Variants in PPWD1 observed in about 807,000 individuals in gnomAD.
PPWD1 encodes the protein peptidylprolyl isomerase domain and WD repeat containing 1, also known as peptidylprolyl isomerase domain and WD repeat-containing protein 1.
A neutral mutation model predicts 68.8 loss-of-function variants in PPWD1; 43 were observed. The observed-to-expected ratio is 0.62, with a 90% CI of 0.49 to 0.81. PPWD1 has a LOEUF of 0.81. Ranked by LOEUF, PPWD1 falls within the 30% of genes least tolerant of loss-of-function variation. PPWD1 has a pLI of 0.00. For missense variants in PPWD1, 672 were observed against 804.8 expected (o/e 0.83, Z 2.00); for synonymous variants, 232 against 258.7 (o/e 0.90, Z 0.99).
chr5:65,577,677 TAAG>T (rs1337127610), intron 6 of PPWD1, among the ~76,000 whole-genome samples: 3 of 152,252 alleles, frequency 2.0e-5, no homozygotes, highest in African/African-American at 4.8e-5. Flanking sequence ...GGAATTTTAA[TAAG>T]AATAGGTTAA....
At chr5:65,580,369 T>G (rs1267233779) in intron 7 of PPWD1, among the ~76,000 whole-genome samples, 1 of 152,206 alleles carries the variant, frequency 6.6e-6, no homozygotes, top group Non-Finnish European at 1.5e-5. Flanking sequence ...TCTTCATTTT[T>G]CATTCATTTG....
intron 1 of PPWD1, chr5:65,564,036 T>C (rs1369672262): frequency 1.2e-5 from 7 of 570,740 alleles, no homozygotes; most frequent in Non-Finnish European, 1.8e-5. Flanking sequence ...CACAGATTTG[T>C]TTTCATCCAA....
Position 65,572,285 on chromosome 5 carries a change from G to A in PPWD1, c.968G>A (p.Ser323Asn), listed in dbSNP as rs748628465. Reference sequence around the variant, plus strand: ...ATGAGAGTCTTTGATGAATCACTAAGCGTAAGTGTAATTTAAATTTAACCG... The same window carrying A: ...ATGAGAGTCTTTGATGAATCACTAAACGTAAGTGTAATTTAAATTTAACCG... ...KLMRVFDESL[S>N]MFTELQQMRQ... The change falls in exon 5 of 11, where the codon AGC becomes AAC. Residue 323 changes from serine (S) to asparagine (N), a missense_variant and splice_region_variant. Around this residue, in one of 2 missense-constraint regions of PPWD1, gnomAD observed 484 missense variants for 646.2 expected, o/e 0.75. Coordinates refer to ENST00000261308, the MANE Select transcript of PPWD1 (RefSeq NM_015342.4). 9 of 1,591,356 alleles carry A rather than the reference G, an allele frequency of 5.7e-6. No individual in the cohort carries two copies. The South Asian group carries it at 7.9e-5, about 14-fold the overall frequency.
chr5:65,576,733 C>G, intron 5 of PPWD1, 146 bp from the exon 6 acceptor site: 1 of 1,336,100 alleles, frequency 7.5e-7, no homozygotes, highest in Non-Finnish European at 9.9e-7. Context: ...TGTTTAGAAT[C>G]CCTCTTAAGA....
chr5:65,585,921 C>A, intron 9 of PPWD1, 78 bp from the exon 10 acceptor site: 2 of 1,548,234 alleles, frequency 1.3e-6, no homozygotes, highest in South Asian at 1.3e-5. Flanking sequence ...ATACAAAGCA[C>A]TCTTGGCAGA....
At chr5:65,583,347 A>G (rs1753684341) in intron 8 of PPWD1, 128 bp downstream of exon 8, 8 of 1,087,980 alleles carry the variant, frequency 7.4e-6, no homozygotes, top group Non-Finnish European at 8.8e-6. Context: ...GTTTGATAAA[A>G]AACATCTATT....
chr5:65,578,564 G>A (rs1482951372), intron 6 of PPWD1, among the ~76,000 whole-genome samples: 1 of 151,880 alleles, frequency 6.6e-6, no homozygotes, highest in Non-Finnish European at 1.5e-5. Context: ...TTTTAGTGTG[G>A]ATTTCCCTGG....
rs547975624 is a variant in PPWD1, at chr5:65,585,559, T to TA, written c.1615-439dup. Among the ~76,000 whole-genome samples the TA allele has an allele frequency of 3.9e-5, 6 of 152,172 alleles. 1 individual carries two copies. In the South Asian group the frequency reaches 1.2e-3, roughly 32 times the overall value. On this transcript the variant is annotated intron_variant, in intron 9 of 10. Coordinates refer to ENST00000261308, the MANE Select transcript of PPWD1 (RefSeq NM_015342.4). ...TTCCATAAAGTGGATGGGGCACTGA[T>TA]ACAGTGCTTGGTTTCTGGCAGGTCA...
At chr5:65,567,143 G>C (rs1285390166) in intron 1 of PPWD1, among the ~76,000 whole-genome samples, 5 of 151,626 alleles carry the variant, frequency 3.3e-5, no homozygotes, top group African/African-American at 1.2e-4. Context: ...TTAGGAAGAT[G>C]GTTGTGATAT....
At chr5:65,565,359 G>A (rs529985849) in intron 1 of PPWD1, among the ~76,000 whole-genome samples, 10 of 152,254 alleles carry the variant, frequency 6.6e-5, no homozygotes, top group Admixed American at 5.9e-4. Flanking sequence ...TTAATTAAAC[G>A]AGTAAGGAGA....
rs376230707 is a variant in PPWD1 at position 65,563,394 on chromosome 5, C to A, written c.84C>A (p.Ser28Arg). The change falls in exon 1 of 11, where the codon AGC becomes AGA. Residue 28 changes from serine to arginine, a missense_variant. This residue lies in a region of PPWD1 where 188 missense variants were observed against 158.6 expected (regional missense o/e 1.19). Transcript: ENST00000261308. ...AGGAACCGGAAAAAACAGAACTCAG[C>A]GAAAGAGAGCTGGCAGTAGCAGTGG... ...DPEEPEKTEL[S>R]ERELAVAVAV... 22 of 1,613,954 alleles carry A rather than the reference C, an allele frequency of 1.4e-5. No individual in the cohort carries two copies. Among genetic ancestry groups the A allele is most frequent in the Non-Finnish European group, 1.4e-5 (16 of 1,180,010 alleles).
At chr5:65,584,111 C>A (rs929616666) in intron 8 of PPWD1, among the ~76,000 whole-genome samples, 3 of 152,132 alleles carry the variant, frequency 2.0e-5, no homozygotes, top group Non-Finnish European at 4.4e-5. Flanking sequence ...TTTTACAACA[C>A]TTTTACTTAA....
At chr5:65,565,761 T>C (rs1752719502) in intron 1 of PPWD1, among the ~76,000 whole-genome samples, 1 of 147,022 alleles carries the variant, frequency 6.8e-6, no homozygotes, top group Admixed American at 6.9e-5. Flanking sequence ...TGAGCTGAGA[T>C]TGTGCCACTG....
chr5:65,564,793 TG>T (rs1752637437), intron 1 of PPWD1, among the ~76,000 whole-genome samples: 3 of 152,200 alleles, frequency 2.0e-5, no homozygotes, highest in Admixed American at 1.3e-4. Flanking sequence ...TTTTTTCCTC[TG>T]GATTCCTACC....
intron 1 of PPWD1, chr5:65,563,766 T>A (rs1168744231): frequency 4.8e-6 from 7 of 1,471,610 alleles, no homozygotes. Context: ...ATTTTCCTAT[T>A]CTTATGTGTT....
rs1443018817 is a variant in PPWD1, at chr5:65,576,936, C to T, written c.1027C>T (p.Arg343Ter). 8 of 1,613,954 alleles carry T rather than the reference C, an allele frequency of 5.0e-6. No homozygotes were observed. The highest frequency in any genetic ancestry group is 5.9e-6 in the Non-Finnish European group (7 of 1,179,982). ...QQLPDMEFGR[R>*]MAVERELEKV... is the part of the protein sequence containing the mutation. The stretch of plus-strand genomic sequence containing the variant: ...GTTACCAGACATGGAATTTGGCCGA[C>T]GAATGGCTGTAGAACGTGAGTTGGA... Residue 343 changes from arginine to a stop codon, truncating the protein, a stop_gained, in exon 6 of 11, where the codon CGA (arginine) becomes TGA (stop). Transcript: ENST00000261308. LOFTEE classifies it high-confidence loss of function.
Position 65,579,602 on chromosome 5 carries a change from A to T in PPWD1, c.1339A>T (p.Arg447Ter), listed in dbSNP as rs534130628. 6.4e-7 allele frequency: 1 copy of T among 1,567,724 alleles called. No individual in the cohort carries two copies. The highest frequency in any genetic ancestry group is 1.4e-5 in the African/African-American group (1 of 72,192). The stretch of plus-strand genomic sequence containing the variant: ...AGTCTGTACATCATTCAAAAAGAAT[A>T]GATTTTATATGGTATGTGTAAGTAC... ...TIVCTSFKKN[R>*]FYMFTKREPE... Residue 447 changes from arginine (R) to a stop codon, truncating the protein, a stop_gained, in exon 7 of 11, where the codon AGA (arginine) becomes TGA (stop). Coordinates refer to ENST00000261308, the MANE Select transcript of PPWD1 (RefSeq NM_015342.4). LOFTEE classifies it high-confidence loss of function.
chr5:65,575,338 A>T (rs1753232016), intron 5 of PPWD1, among the ~76,000 whole-genome samples: 1 of 152,228 alleles, frequency 6.6e-6, no homozygotes, highest in Admixed American at 6.5e-5. Flanking sequence ...TGGCACATGA[A>T]TAAGCAGCGT....
Position 65,567,496 on chromosome 5 carries a change from T to C in PPWD1, c.197-17T>C. ...TTTGTTAAAAATAGATCTTATACTTTACTTTTTTTTCTTCAGTCTTAGAGT... is the reference window on the plus strand; with the variant it reads ...TTTGTTAAAAATAGATCTTATACTTCACTTTTTTTTCTTCAGTCTTAGAGT... On this transcript the variant is annotated splice_polypyrimidine_tract_variant and intron_variant, in intron 1 of 10. Transcript: ENST00000261308. The C allele has an allele frequency of 6.3e-7, 1 of 1,590,800 alleles. No homozygotes were observed. The highest frequency in any genetic ancestry group is 1.4e-5 in the African/African-American group (1 of 73,950).
Sources: gnomAD v4.1 joint callset for allele counts (sites outside exome capture counted in the v4.1 genomes callset) on GRCh38, gnomAD v4.1.1 for gene constraint, gnomAD v4.1.1 regional missense constraint, MANE v1.5 for transcripts, NCBI Gene and HGNC (gene_info 2026-07-23, HGNC 2026-07-21) for gene names.